Variants in CTNND2 observed in about 807,000 individuals in gnomAD.
The protein encoded by CTNND2 is catenin delta-2.
Under a neutral mutation model 144.4 loss-of-function variants are expected in CTNND2, and 22 were observed. The ratio of observed to expected loss-of-function variants is 0.15; its 90% CI spans 0.11 to 0.22. The LOEUF is 0.22. Among genes scored for constraint, CTNND2 ranks in the 10% least tolerant of loss-of-function variants. The probability of loss-of-function intolerance (pLI) is 1.00; values close to 1 mark genes in which losing one functional copy is unlikely to be tolerated. For synonymous variants in CTNND2, 751 were observed against 695.6 expected, an observed-to-expected ratio of 1.08 and a Z score of -1.25; for missense variants, 1,353 against 1,618.8, an observed-to-expected ratio of 0.84 and a Z score of 2.82.
intron 2 of CTNND2, among the ~76,000 whole-genome samples, chr5:11,683,643 A>C (rs78165699): frequency 0.15 from 22,423 of 152,272 alleles, 2,175 homozygotes; most frequent in Admixed American, 0.23. Context: ...AAAGTACTCA[A>C]AGAGAAAACT....
At chr5:11,077,890 A>C (rs1271489989) in intron 16 of CTNND2, among the ~76,000 whole-genome samples, 1 of 152,184 alleles carries the variant, frequency 6.6e-6, no homozygotes. Flanking sequence ...GAGTCAAAGA[A>C]GACGCCAAGG....
At chr5:11,628,712 T>C (rs1426917567) in intron 2 of CTNND2, among the ~76,000 whole-genome samples, 1 of 152,202 alleles carries the variant, frequency 6.6e-6, no homozygotes, top group Admixed American at 6.5e-5. Flanking sequence ...TTCACCACTT[T>C]TTGTACTTTT....
intron 18 of CTNND2, among the ~76,000 whole-genome samples, chr5:11,014,647 T>G (rs1370592253): frequency 1.3e-5 from 2 of 152,204 alleles, no homozygotes; most frequent in East Asian, 1.9e-4. Context: ...CAAACATAGT[T>G]TTATATTAAT....
intron 2 of CTNND2, among the ~76,000 whole-genome samples, chr5:11,718,947 G>C (rs35808404): frequency 0.17 from 25,540 of 152,100 alleles, 2,318 homozygotes; most frequent in East Asian, 0.29. Context: ...GTCTAAGAGA[G>C]ATGGCAAAGA....
At chr5:11,710,212 T>C (rs534521247) in intron 2 of CTNND2, among the ~76,000 whole-genome samples, 2 of 152,224 alleles carry the variant, frequency 1.3e-5, no homozygotes, top group African/African-American at 4.8e-5. Context: ...CTGCTTCCCT[T>C]TGTCTCCATC....
At chr5:11,622,454 T>C (rs1780895441) in intron 2 of CTNND2, among the ~76,000 whole-genome samples, 2 of 152,174 alleles carry the variant, frequency 1.3e-5, no homozygotes, top group Non-Finnish European at 2.9e-5. Flanking sequence ...GTTTTGACTA[T>C]TTGCTGTAAG....
chr5:11,468,621 C>A (rs1037535645), intron 3 of CTNND2, among the ~76,000 whole-genome samples: 40 of 152,214 alleles, frequency 2.6e-4, no homozygotes, highest in Non-Finnish European at 7.4e-5. Context: ...AACCCTCCTG[C>A]GAGGCTTTAA....
At chr5:11,484,026 G>A (rs1768548405) in intron 3 of CTNND2, among the ~76,000 whole-genome samples, 1 of 152,206 alleles carries the variant, frequency 6.6e-6, no homozygotes, top group Non-Finnish European at 1.5e-5. Flanking sequence ...GCACAAATTT[G>A]TTGGCATCAC....
At chr5:11,893,090 G>T (rs1303590649) in intron 1 of CTNND2, among the ~76,000 whole-genome samples, 9 of 152,170 alleles carry the variant, frequency 5.9e-5, no homozygotes, top group Non-Finnish European at 1.3e-4. Flanking sequence ...ACTGTAAAAT[G>T]CATGATTTAT....
chr5:11,158,141 A>G (rs1199720967), intron 12 of CTNND2, among the ~76,000 whole-genome samples: 1 of 152,188 alleles, frequency 6.6e-6, no homozygotes, highest in Non-Finnish European at 1.5e-5. Flanking sequence ...CACTTCTACA[A>G]TTGCTTCTGA....
In CTNND2 at chr5:11,199,086, T is replaced by A. The variant is rs1038858062; in HGVS notation, c.1975+362A>T. ...TTGTTAAACACACTAGAAACCAGAA[T>A]ATATACCTTATTAGCAAAAACTGAC... On this transcript the variant is annotated intron_variant, in intron 11 of 21. Transcript: ENST00000304623. Among the ~76,000 whole-genome samples the A allele has an allele frequency of 9.7e-4, 147 of 152,174 alleles. 1 individual carries two copies. The highest frequency in any genetic ancestry group is 5.9e-5 in the Non-Finnish European group (4 of 68,024).
intron 2 of CTNND2, among the ~76,000 whole-genome samples, chr5:11,722,520 G>A (rs1786746538): frequency 6.6e-6 from 1 of 152,222 alleles, no homozygotes; most frequent in Admixed American, 6.5e-5. Context: ...AAATACCTGA[G>A]ACTAGGTAAT....
At chr5:11,832,652 T>C (rs1336545098) in intron 1 of CTNND2, among the ~76,000 whole-genome samples, 1 of 152,128 alleles carries the variant, frequency 6.6e-6, no homozygotes, top group Non-Finnish European at 1.5e-5. Context: ...AATAAAACTA[T>C]ATTCCAGGCT....
intron 15 of CTNND2, among the ~76,000 whole-genome samples, chr5:11,083,552 A>G (rs61757060): frequency 1.3e-5 from 2 of 152,138 alleles, no homozygotes; most frequent in East Asian, 3.9e-4. Flanking sequence ...GTAATGCGTC[A>G]TATTAAAATG....
chr5:11,421,545 T>C (rs1581159659), intron 3 of CTNND2, among the ~76,000 whole-genome samples: 1 of 152,278 alleles, frequency 6.6e-6, no homozygotes, highest in East Asian at 1.9e-4. Context: ...CTTACTCTAA[T>C]CTATTTCATC....
intron 2 of CTNND2, among the ~76,000 whole-genome samples, chr5:11,678,399 T>A (rs987426475): frequency 6.6e-6 from 1 of 152,142 alleles, no homozygotes; most frequent in Non-Finnish European, 1.5e-5. Flanking sequence ...CTAGACCTGC[T>A]GAGTCAAGAG....
intron 3 of CTNND2, among the ~76,000 whole-genome samples, chr5:11,505,338 A>T (rs1485460561): frequency 6.6e-6 from 1 of 152,216 alleles, no homozygotes; most frequent in African/African-American, 2.4e-5. Context: ...AGAGAAGTTG[A>T]GAAAATCCAG....
chr5:11,331,020 T>G (rs1381659304), intron 9 of CTNND2, among the ~76,000 whole-genome samples: 1 of 152,178 alleles, frequency 6.6e-6, no homozygotes, highest in Non-Finnish European at 1.5e-5. Flanking sequence ...GAACAGCAAA[T>G]ACATAGCAAG....
At chr5:11,301,945 T>C (rs1007891521) in intron 9 of CTNND2, among the ~76,000 whole-genome samples, 3 of 152,076 alleles carry the variant, frequency 2.0e-5, no homozygotes, top group African/African-American at 7.2e-5. Flanking sequence ...CGGACTGAGT[T>C]GTGTCCTTGA....
Sources: allele counts gnomAD v4.1 joint callset (sites outside exome capture counted in the v4.1 genomes callset), GRCh38; gene constraint gnomAD v4.1.1; transcripts MANE v1.5; gene names NCBI Gene and HGNC (gene_info 2026-07-23, HGNC 2026-07-21).